RTL4: variants seen among roughly 807,000 people sequenced by gnomAD.
The protein encoded by RTL4 is retrotransposon Gag-like protein 4.
In RTL4, 4 loss-of-function variants were observed where a neutral mutation model predicts 5.3. That is an observed-to-expected ratio of 0.75 (90% CI 0.37 to 1.72). RTL4 has a LOEUF of 1.72. Ranked by LOEUF, RTL4 falls within the 40% of genes most tolerant of loss-of-function variation. The pLI is 0.04. For synonymous variants in RTL4, 98 were observed against 87.3 expected, an observed-to-expected ratio of 1.12 and a Z score of -0.68; for missense variants, 260 against 227.1, an observed-to-expected ratio of 1.14 and a Z score of -0.93.
chrX:112,395,792 G>T, the RTL4 span, among the ~76,000 whole-genome samples: 1 of 111,298 alleles, frequency 9.0e-6, no homozygotes, highest in Non-Finnish European at 1.9e-5. Context: ...CCTCTTGGCT[G>T]AGCCTCAAGG....
the RTL4 span, among the ~76,000 whole-genome samples, chrX:112,314,011 C>T: frequency 1.8e-5 from 2 of 111,554 alleles, no homozygotes; most frequent in African/African-American, 6.5e-5. Context: ...AATAGCTTAT[C>T]ACCAGACTGC....
chrX:112,266,266 G>A, the RTL4 span, among the ~76,000 whole-genome samples: 3 of 111,488 alleles, frequency 2.7e-5, no homozygotes, highest in Admixed American at 9.5e-5. Flanking sequence ...TTGCATGGGT[G>A]GGTGAAGGTT....
At chrX:112,246,235 C>G in the RTL4 span, among the ~76,000 whole-genome samples, 1 of 111,807 alleles carries the variant, frequency 8.9e-6, no homozygotes, top group Admixed American at 9.5e-5. Context: ...GCTGGGAGAA[C>G]CATTGCTCTC....
chrX:112,419,898 C>T, the RTL4 span, among the ~76,000 whole-genome samples: 1 of 109,655 alleles, frequency 9.1e-6, no homozygotes, highest in Non-Finnish European at 1.9e-5. Context: ...TACCCTATTA[C>T]AGAATGGAAA....
chrX:112,231,166 T>G, the RTL4 span, among the ~76,000 whole-genome samples: 3 of 110,997 alleles, frequency 2.7e-5, no homozygotes, highest in Non-Finnish European at 5.7e-5. Context: ...GTCGGTGTGG[T>G]GATTCCTCAG....
At chrX:112,263,745 T>C in the RTL4 span, among the ~76,000 whole-genome samples, 5 of 111,455 alleles carry the variant, frequency 4.5e-5, no homozygotes, top group Non-Finnish European at 9.4e-5. Flanking sequence ...GGGAGCAAAT[T>C]TGAAGTGTCC....
the RTL4 span, among the ~76,000 whole-genome samples, chrX:112,285,700 A>C: frequency 9.0e-6 from 1 of 111,282 alleles, no homozygotes; most frequent in Non-Finnish European, 1.9e-5. Flanking sequence ...AGCTTATCTC[A>C]TTCAGCCTCA....
At chrX:112,105,962 C>A in the RTL4 span, among the ~76,000 whole-genome samples, 1 of 111,704 alleles carries the variant, frequency 9.0e-6, no homozygotes, top group Non-Finnish European at 1.9e-5. Flanking sequence ...TGTTCCTGAT[C>A]TTACAGAAAA....
the RTL4 span, among the ~76,000 whole-genome samples, chrX:112,424,660 C>T: frequency 6.0e-4 from 67 of 110,920 alleles, 1 homozygote; most frequent in Admixed American, 8.7e-4. Context: ...AAAAGGCTTT[C>T]GATTGCCTGG....
exon 1 of RTL4, chrX:112,455,175 T>G (rs376419588): frequency 2.5e-6 from 3 of 1,211,616 alleles, no homozygotes; most frequent in Non-Finnish European, 3.4e-6. Context: ...CTCTGATGAA[T>G]GCTAAGTTTG....
the RTL4 span, among the ~76,000 whole-genome samples, chrX:112,167,303 A>G: frequency 8.9e-6 from 1 of 111,785 alleles, no homozygotes; most frequent in African/African-American, 3.2e-5. Flanking sequence ...TAGAGGGGTA[A>G]AAGCAAGATG....
chrX:112,435,076 C>A, the RTL4 span, among the ~76,000 whole-genome samples: 1 of 111,092 alleles, frequency 9.0e-6, no homozygotes, highest in Non-Finnish European at 1.9e-5. Flanking sequence ...GTCATGAGAA[C>A]AGCATGGGGG....
chrX:112,356,579 G>GGGGTGTGTGTGTGTGTGT, the RTL4 span, among the ~76,000 whole-genome samples: 1 of 99,453 alleles, frequency 1.0e-5, no homozygotes, highest in African/African-American at 3.7e-5. Context: ...TTTGTTTTGG[G>GGGGTGTGTGTGTGTGTGT]GTGTGTGTGT....
the RTL4 span, among the ~76,000 whole-genome samples, chrX:112,093,596 A>G: frequency 8.9e-5 from 10 of 111,988 alleles, no homozygotes; most frequent in Non-Finnish European, 1.9e-4. Flanking sequence ...TGTTATTGGT[A>G]CCTGCTATCA....
the RTL4 span, among the ~76,000 whole-genome samples, chrX:112,369,238 T>C: frequency 8.9e-6 from 1 of 112,719 alleles, no homozygotes. Flanking sequence ...TACAGAGTAT[T>C]CACTCCAGGT....
chrX:112,426,705 G>T, the RTL4 span, among the ~76,000 whole-genome samples: 1 of 110,861 alleles, frequency 9.0e-6, no homozygotes, highest in Non-Finnish European at 1.9e-5. Flanking sequence ...AAAGCAGTCA[G>T]ATTTTTCTAC....
chrX:112,318,970 G>C, the RTL4 span, among the ~76,000 whole-genome samples: 1 of 111,317 alleles, frequency 9.0e-6, no homozygotes, highest in Non-Finnish European at 1.9e-5. Flanking sequence ...AGTCTTTTTA[G>C]TTCTTCCAAG....
At chrX:112,189,133 C>A in the RTL4 span, among the ~76,000 whole-genome samples, 1 of 111,291 alleles carries the variant, frequency 9.0e-6, no homozygotes, top group Middle Eastern at 4.7e-3. Flanking sequence ...GTGGCTTACA[C>A]CTATAATCCC....
the RTL4 span, among the ~76,000 whole-genome samples, chrX:112,289,867 C>T: frequency 9.0e-6 from 1 of 111,020 alleles, no homozygotes; most frequent in East Asian, 2.8e-4. Context: ...GAGGTAGGTA[C>T]TGTTATTATC....
Sources: gnomAD v4.1 joint callset for allele counts (sites outside exome capture counted in the v4.1 genomes callset) on GRCh38, gnomAD v4.1.1 for gene constraint, MANE v1.5 for transcripts, NCBI Gene and HGNC (gene_info 2026-07-23, HGNC 2026-07-21) for gene names.